AUH: variants seen among roughly 807,000 people sequenced by gnomAD.
The protein encoded by AUH is AU RNA binding methylglutaconyl-CoA hydratase.
AUH carries 29 observed loss-of-function variants against 42.3 expected under a neutral mutation model. The ratio of observed to expected loss-of-function variants is 0.69; its 90% CI spans 0.51 to 0.93. AUH has a LOEUF of 0.93. Ranked by LOEUF, AUH falls within the 40% of genes least tolerant of loss-of-function variation. The pLI is 0.00. For synonymous variants in AUH, 174 were observed against 166.4 expected (o/e 1.05, Z -0.35); for missense variants, 452 against 438.1 (o/e 1.03, Z -0.28).
chr9:91,358,776 G>A (rs1288917915), intron 1 of AUH, among the ~76,000 whole-genome samples: 1 of 152,140 alleles, frequency 6.6e-6, no homozygotes, highest in African/African-American at 2.4e-5. Context: ...GAGACTTGAT[G>A]TTTTGAGTAC....
At chr9:91,250,078 A>G (rs1032789990) in intron 6 of AUH, among the ~76,000 whole-genome samples, 3 of 130,290 alleles carry the variant, frequency 2.3e-5, no homozygotes, top group Non-Finnish European at 5.1e-5. Flanking sequence ...AGAAAGAAGG[A>G]AAAAAAATGA....
At chr9:91,258,293 T>C (rs1829517448) in intron 6 of AUH, among the ~76,000 whole-genome samples, 1 of 152,202 alleles carries the variant, frequency 6.6e-6, no homozygotes. Context: ...TGGAGTGCAA[T>C]CGTGTGATCT....
chr9:91,224,260 G>A (rs1172314927), intron 6 of AUH, among the ~76,000 whole-genome samples: 2 of 152,138 alleles, frequency 1.3e-5, no homozygotes, highest in African/African-American at 2.4e-5. Context: ...ATTGTCTTTG[G>A]AGAAATGTCT....
intron 3 of AUH, among the ~76,000 whole-genome samples, chr9:91,343,876 C>T (rs1478904872): frequency 2.0e-5 from 3 of 152,086 alleles, no homozygotes. Context: ...ACTTAAAAGA[C>T]ACAAATTACC....
At chr9:91,278,440 T>C (rs1825716052) in intron 6 of AUH, among the ~76,000 whole-genome samples, 1 of 152,180 alleles carries the variant, frequency 6.6e-6, no homozygotes, top group African/African-American at 2.4e-5. Flanking sequence ...CAAGTAACTA[T>C]AAAAACCAGT....
At chr9:91,295,413 T>C (rs996500007) in intron 6 of AUH, among the ~76,000 whole-genome samples, 1 of 152,228 alleles carries the variant, frequency 6.6e-6, no homozygotes, top group African/African-American at 2.4e-5. Context: ...GATAAAGCAG[T>C]GGCAGGGTTT....
At chr9:91,242,426 A>G (rs1828570227) in intron 6 of AUH, among the ~76,000 whole-genome samples, 1 of 152,228 alleles carries the variant, frequency 6.6e-6, no homozygotes, top group Non-Finnish European at 1.5e-5. Flanking sequence ...ATCATCCCTC[A>G]TTCTTTCCAA....
chr9:91,360,177 T>C (rs898848915), intron 1 of AUH: 3 of 152,184 alleles, frequency 2.0e-5, no homozygotes, highest in African/African-American at 7.2e-5. Context: ...ACCAAAAAAA[T>C]AGAATATGGT....
intron 4 of AUH, among the ~76,000 whole-genome samples, chr9:91,320,021 T>C (rs966044510): frequency 1.3e-5 from 2 of 152,216 alleles, no homozygotes; most frequent in African/African-American, 2.4e-5. Flanking sequence ...AGAACTGAGA[T>C]TGCTACAGAC....
chr9:91,251,751 T>G (rs1564030909), intron 6 of AUH, among the ~76,000 whole-genome samples: 1 of 152,208 alleles, frequency 6.6e-6, no homozygotes, highest in Non-Finnish European at 1.5e-5. Context: ...ATTCTTATAC[T>G]GATCAAGCAA....
chr9:91,340,563 T>C (rs1001981537), intron 3 of AUH, among the ~76,000 whole-genome samples: 11 of 152,360 alleles, frequency 7.2e-5, no homozygotes, highest in African/African-American at 2.6e-4. Context: ...ATCATCCTAA[T>C]TGGTGCTGGC....
At chr9:91,348,393 T>C (rs760492973) in intron 3 of AUH, among the ~76,000 whole-genome samples, 5 of 152,218 alleles carry the variant, frequency 3.3e-5, no homozygotes, top group Admixed American at 2.0e-4. Context: ...ATTCTACTTC[T>C]GACTATTTAC....
intron 3 of AUH, among the ~76,000 whole-genome samples, chr9:91,347,002 T>C (rs1364299470): frequency 1.3e-5 from 2 of 151,986 alleles, no homozygotes; most frequent in Non-Finnish European, 2.9e-5. Flanking sequence ...AGAAAATCAA[T>C]GTGTTCACCA....
chr9:91,334,401 G>A lies in AUH; in HGVS notation c.419-8997C>T, dbSNP rs77474848. 3.0e-3 allele frequency among the ~76,000 whole-genome samples: 462 copies of A among 152,330 alleles called. 5 individuals carry two copies. Among genetic ancestry groups the A allele is most frequent in the African/African-American group, 0.011 (441 of 41,576 alleles). On this transcript the variant is annotated intron_variant, in intron 3 of 9. Transcript: ENST00000375731. ...TGAGGGCCTCAATAGAACAAAAGGT[G>A]AAGGAGGAAGGAACTGGCCTCTATT...
chr9:91,234,014 G>C (rs952876796), intron 6 of AUH, among the ~76,000 whole-genome samples: 49 of 152,182 alleles, frequency 3.2e-4, no homozygotes, highest in African/African-American at 1.1e-3. Flanking sequence ...TGTACTATTT[G>C]TGGTGGAGCT....
chr9:91,314,719 A>T (rs1000282517), intron 4 of AUH, among the ~76,000 whole-genome samples: 1 of 152,028 alleles, frequency 6.6e-6, no homozygotes, highest in Non-Finnish European at 1.5e-5. Context: ...AATAGCCGCC[A>T]TTAGGCTTTC....
chr9:91,360,765 C>T (rs999443739), intron 1 of AUH, among the ~76,000 whole-genome samples: 2 of 152,202 alleles, frequency 1.3e-5, no homozygotes, highest in African/African-American at 4.8e-5. Context: ...AAACCAATCA[C>T]GACTTACACG....
At chr9:91,280,235 G>A (rs545123066) in intron 6 of AUH, among the ~76,000 whole-genome samples, 35 of 152,174 alleles carry the variant, frequency 2.3e-4, no homozygotes, top group Admixed American at 5.2e-4. Context: ...TCTATTTAAT[G>A]ACTCTGAGAA....
intron 6 of AUH, among the ~76,000 whole-genome samples, chr9:91,235,077 C>T (rs181303391): frequency 1.5e-4 from 23 of 151,692 alleles, no homozygotes; most frequent in Non-Finnish European, 2.9e-4. Flanking sequence ...CTTGGGTAAG[C>T]GGAGTAGAAG....
Sources: gnomAD v4.1 joint callset for allele counts (sites outside exome capture counted in the v4.1 genomes callset) on GRCh38, gnomAD v4.1.1 for gene constraint, MANE v1.5 for transcripts, NCBI Gene and HGNC (gene_info 2026-07-23, HGNC 2026-07-21) for gene names.